Variants in CCDC148 observed in about 807,000 individuals in gnomAD.
CCDC148 encodes coiled-coil domain containing 148, also known as coiled-coil domain-containing protein 148.
In CCDC148, 89 loss-of-function variants were observed where a neutral mutation model predicts 85.7. The ratio of observed to expected loss-of-function variants is 1.04; its 90% CI spans 0.87 to 1.24. The LOEUF is 1.24. CCDC148 is among the 50% of genes most tolerant of loss of function. CCDC148 has a pLI of 0.00. For missense variants in CCDC148, 692 were observed against 671.7 expected, an observed-to-expected ratio of 1.03 and a Z score of -0.33; for synonymous variants, 230 against 213.9, an observed-to-expected ratio of 1.08 and a Z score of -0.66.
intron 9 of CCDC148, among the ~76,000 whole-genome samples, chr2:158,263,274 T>C (rs1447099768): frequency 6.6e-6 from 1 of 152,082 alleles, no homozygotes; most frequent in East Asian, 1.9e-4. Flanking sequence ...ATGTGTATAA[T>C]TTTCTGCAGT....
chr2:158,383,089 C>T (rs963213798), intron 1 of CCDC148, among the ~76,000 whole-genome samples: 2 of 151,826 alleles, frequency 1.3e-5, no homozygotes, highest in Admixed American at 1.3e-4. Flanking sequence ...CACCTGAGGT[C>T]AGGAGTTCAA....
intron 1 of CCDC148, among the ~76,000 whole-genome samples, chr2:158,399,705 A>C (rs1261744101): frequency 6.6e-6 from 1 of 152,142 alleles, no homozygotes; most frequent in Non-Finnish European, 1.5e-5. Context: ...TTCCCTCTGA[A>C]AACCAGCAGA....
intron 11 of CCDC148, among the ~76,000 whole-genome samples, chr2:158,209,405 T>A (rs1003949252): frequency 2.6e-5 from 4 of 152,202 alleles, no homozygotes; most frequent in African/African-American, 9.7e-5. Flanking sequence ...CCTAAGAAGT[T>A]AGTAATAAAG....
At chr2:158,185,461 C>G (rs1179815265) in intron 11 of CCDC148, among the ~76,000 whole-genome samples, 2 of 152,140 alleles carry the variant, frequency 1.3e-5, no homozygotes, top group East Asian at 3.9e-4. Flanking sequence ...ATTTCGGCAG[C>G]TCCAAGGGTT....
intron 9 of CCDC148, among the ~76,000 whole-genome samples, chr2:158,267,647 G>C (rs1170216147): frequency 6.6e-6 from 1 of 152,122 alleles, no homozygotes; most frequent in East Asian, 1.9e-4. Flanking sequence ...ATTAGAGATT[G>C]TCATTGATCT....
At chr2:158,325,929 C>G (rs369586098) in intron 7 of CCDC148, among the ~76,000 whole-genome samples, 1 of 152,106 alleles carries the variant, frequency 6.6e-6, no homozygotes, top group African/African-American at 2.4e-5. Flanking sequence ...TGCACTTCTA[C>G]CCCCCAGCCC....
chr2:158,342,554 G>A (rs1682767972), intron 3 of CCDC148, among the ~76,000 whole-genome samples: 1 of 152,060 alleles, frequency 6.6e-6, no homozygotes, highest in Non-Finnish European at 1.5e-5. Flanking sequence ...ATCTAGCTCG[G>A]CACCCAGAAA....
At chr2:158,283,143 G>C (rs1487068290) in intron 9 of CCDC148, among the ~76,000 whole-genome samples, 1 of 152,168 alleles carries the variant, frequency 6.6e-6, no homozygotes, top group Non-Finnish European at 1.5e-5. Flanking sequence ...ATGGATTAAA[G>C]ACTTAAACGT....
At chr2:158,330,803 G>A (rs528593546) in intron 7 of CCDC148, among the ~76,000 whole-genome samples, 1 of 152,270 alleles carries the variant, frequency 6.6e-6, no homozygotes, top group African/African-American at 2.4e-5. Flanking sequence ...GCATAGAGGT[G>A]TTTATAGTAT....
intron 1 of CCDC148, among the ~76,000 whole-genome samples, chr2:158,446,831 C>CT (rs997323356): frequency 3.9e-5 from 6 of 152,066 alleles, no homozygotes; most frequent in Admixed American, 3.9e-4. Context: ...TATTTTTTCC[C>CT]TTTTTGGGAG....
chr2:158,391,815 G>A (rs886070978), intron 1 of CCDC148, among the ~76,000 whole-genome samples: 1 of 152,080 alleles, frequency 6.6e-6, no homozygotes, highest in African/African-American at 2.4e-5. Flanking sequence ...ACAGACATAA[G>A]CAAAATCACT....
chr2:158,376,493 AG>A (rs1418816017), intron 1 of CCDC148, among the ~76,000 whole-genome samples: 1 of 152,118 alleles, frequency 6.6e-6, no homozygotes, highest in Non-Finnish European at 1.5e-5. Flanking sequence ...TTAACAACAA[AG>A]ACTATAAAAC....
chr2:158,206,525 G>A (rs1686255007), intron 11 of CCDC148, among the ~76,000 whole-genome samples: 2 of 152,222 alleles, frequency 1.3e-5, no homozygotes, highest in Non-Finnish European at 1.5e-5. Flanking sequence ...GGGGATGGAG[G>A]AGGGAAATTT....
At chr2:158,306,367 A>C (rs1268269971) in intron 9 of CCDC148, among the ~76,000 whole-genome samples, 1 of 152,172 alleles carries the variant, frequency 6.6e-6, no homozygotes, top group Non-Finnish European at 1.5e-5. Flanking sequence ...CTAAAAAAAA[A>C]ATACAAAAAA....
chr2:158,448,370 T>TG (rs1688249726), intron 1 of CCDC148, among the ~76,000 whole-genome samples: 1 of 151,978 alleles, frequency 6.6e-6, no homozygotes, highest in Admixed American at 6.6e-5. Flanking sequence ...ATTTTTGAGA[T>TG]GGGGTCTCAT....
chr2:158,396,851 G>A (rs1453979820), intron 1 of CCDC148, among the ~76,000 whole-genome samples: 1 of 151,972 alleles, frequency 6.6e-6, no homozygotes, highest in East Asian at 1.9e-4. Context: ...ATTACTTCTA[G>A]TAGCACTACC....
chr2:158,437,661 T>A (rs1687725517), intron 1 of CCDC148, among the ~76,000 whole-genome samples: 1 of 152,152 alleles, frequency 6.6e-6, no homozygotes, highest in African/African-American at 2.4e-5. Context: ...TAAAGGGTAT[T>A]CAATTAGGAA....
At chr2:158,186,446 C>T (rs1685159269) in intron 11 of CCDC148, among the ~76,000 whole-genome samples, 3 of 152,040 alleles carry the variant, frequency 2.0e-5, no homozygotes, top group African/African-American at 7.2e-5. Flanking sequence ...ACATGGATTG[C>T]CTGTCACCCT....
At chr2:158,339,150 G>T in intron 5 of CCDC148, 65 bp from the exon 6 acceptor site, 1 of 1,189,976 alleles carries the variant, frequency 8.4e-7, no homozygotes, top group East Asian at 2.3e-5. Context: ...TATATTTAAA[G>T]ACACAATAAT....
Sources: allele counts gnomAD v4.1 joint callset (sites outside exome capture counted in the v4.1 genomes callset), GRCh38; gene constraint gnomAD v4.1.1; transcripts MANE v1.5; gene names NCBI Gene and HGNC (gene_info 2026-07-23, HGNC 2026-07-21).